Variants in ENG observed in about 807,000 individuals in gnomAD.
The protein encoded by ENG is CD105 antigen.
Under a neutral mutation model 71.0 loss-of-function variants are expected in ENG, and 17 were observed. The observed-to-expected ratio is 0.24, with a 90% CI of 0.16 to 0.36. ENG has a LOEUF of 0.36. ENG is among the 10% of genes least tolerant of loss of function. The pLI, the probability that ENG is intolerant of heterozygous loss-of-function variation, is 1.00. For synonymous variants in ENG, 360 were observed against 366.9 expected (o/e 0.98, Z 0.21); for missense variants, 749 against 868.3 (o/e 0.86, Z 1.73).
In ENG at chr9:127,830,657, A is replaced by C. The variant is rs894870714; in HGVS notation, c.220-830T>G. Among the ~76,000 whole-genome samples, 8 of 151,892 alleles carry C rather than the reference A, an allele frequency of 5.3e-5. 1 individual carries two copies. The highest frequency in any genetic ancestry group is 1.5e-4 in the African/African-American group (6 of 41,364). On this transcript the variant is annotated intron_variant, in intron 2 of 14. Coordinates refer to ENST00000373203, the MANE Select transcript of ENG (RefSeq NM_001114753.3). ...AATGACGCTCCGTCTCAAAAAAAAA[A>C]ACAAAAAACAAACAAAAAAAAGGGA...
At chr9:127,825,114 A>G in intron 6 of ENG, 117 bp downstream of exon 6, 4 of 1,599,976 alleles carry the variant, frequency 2.5e-6, no homozygotes, top group Non-Finnish European at 3.4e-6. Flanking sequence ...TCCCTCACGT[A>G]TGGGCATAGG....
chr9:127,827,351 TAAG>T (rs1280643353), intron 3 of ENG, among the ~76,000 whole-genome samples: 3 of 152,196 alleles, frequency 2.0e-5, no homozygotes, highest in African/African-American at 7.2e-5. Context: ...TTTTATTTAA[TAAG>T]AAACAAAGGA....
At chr9:127,829,911 T>A in intron 2 of ENG, 84 bp from the exon 3 acceptor site, 1 of 1,587,246 alleles carries the variant, frequency 6.3e-7, no homozygotes. Context: ...ATGATTTGGA[T>A]GCTTCCACTC....
At position 127,838,092 on chromosome 9, in the gene ENG, C is replaced by T. The variant is rs1477377098; in HGVS notation, c.219+5002G>A. 1.3e-5 allele frequency among the ~76,000 whole-genome samples: 2 copies of T among 152,202 alleles called. No homozygotes were observed. Among genetic ancestry groups the T allele is most frequent in the East Asian group, 1.9e-4 (1 of 5,188 alleles). On this transcript the variant is annotated intron_variant, in intron 2 of 14. Transcript: ENST00000373203. The surrounding 1 kb of genome is among the most constrained non-coding windows in gnomAD (Gnocchi z 4.3). ...CAGCTCAGCCCGGATACCCAAACTC[C>T]ACCATGCCTGCCTCCCCAAGTAGCC...
At position 127,829,833 on chromosome 9, in the gene ENG, G is replaced by GGACACAGAGGAGA; in HGVS notation, c.220-19_220-7dup. On this transcript the variant is annotated splice_region_variant and splice_polypyrimidine_tract_variant and intron_variant, in intron 2 of 14. Transcript: ENST00000373203. ...AGCTCCAGCTGTGACGGGCCCTGGG[G>GGACACAGAGGAGA]GACACAGAGGAGAGACACACACAGT... The GGACACAGAGGAGA allele has an allele frequency of 6.2e-7, 1 of 1,613,846 alleles. No homozygotes were observed. The highest frequency in any genetic ancestry group is 8.5e-7 in the Non-Finnish European group (1 of 1,180,018).
intron 13 of ENG, chr9:127,816,353 C>G (rs1481720614): frequency 6.2e-6 from 3 of 485,740 alleles, no homozygotes; most frequent in Non-Finnish European, 1.1e-5. Context: ...CGTGAGGAAA[C>G]TGAGGCTCGG....
chr9:127,816,084 A>ACTCTGC, intron 13 of ENG, 31 bp from the exon 14 acceptor site: 1 of 1,600,096 alleles, frequency 6.2e-7, no homozygotes, highest in Non-Finnish European at 8.5e-7. Flanking sequence ...CAGCACTGCC[A>ACTCTGC]CTCTGCCCCT....
At chr9:127,816,981 A>G in intron 13 of ENG, 168 bp downstream of exon 13, 1 of 770,276 alleles carries the variant, frequency 1.3e-6, no homozygotes, top group East Asian at 2.7e-5. Context: ...CCCCTGCTCT[A>G]GGCTGCTATG....
intron 2 of ENG, among the ~76,000 whole-genome samples, chr9:127,832,321 C>T (rs1588588225): frequency 6.6e-6 from 1 of 151,794 alleles, no homozygotes; most frequent in Non-Finnish European, 1.5e-5. Flanking sequence ...ATGATCTGCC[C>T]GCCTCGGCCT....
intron 1 of ENG, among the ~76,000 whole-genome samples, chr9:127,850,899 T>C (rs1831268004): frequency 6.6e-6 from 1 of 152,154 alleles, no homozygotes; most frequent in South Asian, 2.1e-4. Flanking sequence ...TATTTAACAA[T>C]AAGCAAACGG....
At chr9:127,847,975 G>C (rs971497702) in intron 1 of ENG, among the ~76,000 whole-genome samples, 8 of 152,178 alleles carry the variant, frequency 5.3e-5, no homozygotes, top group African/African-American at 1.9e-4. Context: ...TTTGACAGAT[G>C]CCAAAGGTTC....
intron 1 of ENG, among the ~76,000 whole-genome samples, chr9:127,847,966 T>C (rs1831210996): frequency 6.6e-6 from 1 of 152,188 alleles, no homozygotes; most frequent in Admixed American, 6.5e-5. Flanking sequence ...GCACAGCGAT[T>C]TGACAGATGC....
At chr9:127,817,019 T>C (rs1830337670) in intron 13 of ENG, 130 bp downstream of exon 13, 11 of 1,064,674 alleles carry the variant, frequency 1.0e-5, no homozygotes, top group Non-Finnish European at 1.6e-5. Flanking sequence ...TCCTGCCCCT[T>C]CTGGGCCGCT....
chr9:127,832,723 T>C (rs570378860), intron 2 of ENG: 5 of 152,332 alleles, frequency 3.3e-5, no homozygotes, highest in African/African-American at 4.8e-5. Context: ...AACACAATTG[T>C]TTTTTTCATT....
intron 2 of ENG, among the ~76,000 whole-genome samples, chr9:127,837,323 T>A (rs935002443): frequency 6.6e-6 from 1 of 152,122 alleles, no homozygotes; most frequent in Non-Finnish European, 1.5e-5. Flanking sequence ...GGCCCCTAGA[T>A]CCCAGGCTGC....
chr9:127,819,972 A>G lies in ENG; in HGVS notation c.1200T>C (p.Gly400=), dbSNP rs1306446029. Residue 400 remains glycine (G), a synonymous_variant, in exon 9 of 15, where the codon GGT becomes GGC. Coordinates refer to ENST00000373203, the MANE Select transcript of ENG (RefSeq NM_001114753.3). ...WDPSCEAEDR[G]DKFVLRSAYS... Reference sequence around the variant, plus strand: ...AAGCACTGCGCAAGACAAACTTGTCACCCCTGTCCTCTGCCTCACAGCTGG... The same window carrying G: ...AAGCACTGCGCAAGACAAACTTGTCGCCCCTGTCCTCTGCCTCACAGCTGG... 1 of 1,614,126 alleles carries G rather than the reference A, an allele frequency of 6.2e-7. No individual in the cohort carries two copies. The highest frequency in any genetic ancestry group is 8.5e-7 in the Non-Finnish European group (1 of 1,180,030).
At chr9:127,818,491 G>A in intron 11 of ENG, 114 bp from the exon 12 acceptor site, 2 of 1,549,700 alleles carry the variant, frequency 1.3e-6, no homozygotes, top group Non-Finnish European at 8.7e-7. Context: ...TCCTCACAGT[G>A]GAAAGAAAGA....
intron 1 of ENG, among the ~76,000 whole-genome samples, chr9:127,843,736 C>CATATAT (rs1554812401): frequency 2.0e-4 from 18 of 89,512 alleles, no homozygotes; most frequent in African/African-American, 1.0e-3. Context: ...CATCCACATA[C>CATATAT]ATATATATAT....
intron 3 of ENG, among the ~76,000 whole-genome samples, chr9:127,828,041 AAAAG>A (rs1472592613): frequency 2.0e-5 from 3 of 151,072 alleles, no homozygotes; most frequent in Non-Finnish European, 4.4e-5. Flanking sequence ...AAAAAAAAAA[AAAAG>A]GAGACCCTCC....
Sources: gnomAD v4.1 joint callset for allele counts (sites outside exome capture counted in the v4.1 genomes callset) on GRCh38, gnomAD v4.1.1 for gene constraint, Gnocchi (gnomAD v3.1) non-coding constraint, MANE v1.5 for transcripts, NCBI Gene and HGNC (gene_info 2026-07-23, HGNC 2026-07-21) for gene names.